The following DSG4 variants were observed in gnomAD, a reference collection of about 807,000 sequenced individuals.
DSG4 encodes the protein desmoglein-4.
Under a neutral mutation model 93.1 loss-of-function variants are expected in DSG4, and 87 were observed. The observed-to-expected ratio is 0.93, with a 90% CI of 0.79 to 1.12. The LOEUF (loss-of-function observed/expected upper bound fraction) is 1.12, where lower values mean the gene tolerates loss of function less well. DSG4 is among the 50% of genes most tolerant of loss of function. The probability of loss-of-function intolerance (pLI) is 0.00; values close to 1 mark genes in which losing one functional copy is unlikely to be tolerated. For missense variants in DSG4, 1,373 were observed against 1,285.7 expected (o/e 1.07, Z -1.04); for synonymous variants, 432 against 452.9 (o/e 0.95, Z 0.59).
chr18:31,390,912 T>C, intron 6 of DSG4, 90 bp downstream of exon 6: 1 of 1,525,826 alleles, frequency 6.6e-7, no homozygotes, highest in South Asian at 1.2e-5. Context: ...TACTCCAATA[T>C]AAAGGAGGGA....
chr18:31,392,209 G>A lies in DSG4; in HGVS notation c.874G>A (p.Ala292Thr). Residue 292 changes from alanine (A) to threonine (T), a missense_variant, in exon 8 of 16, where the codon GCA becomes ACA. Physicochemically the swap from Ala to Thr is moderately conservative, Grantham distance 58. Coordinates refer to ENST00000308128, the MANE Select transcript of DSG4 (RefSeq NM_177986.5). Reference protein sequence around the residue: ...CLSSELIRLQAIDLDEEGTDN... With the variant: ...CLSSELIRLQTIDLDEEGTDN... ...AAGTTCGGAACTGATACGATTACAA[G>A]CAATTGATCTTGATGAAGAAGGCAC... 1 of 1,613,736 alleles carries A rather than the reference G, an allele frequency of 6.2e-7. No homozygotes were observed. The highest frequency in any genetic ancestry group is 8.5e-7 in the Non-Finnish European group (1 of 1,179,844).
rs1321399530 is a variant in DSG4 at position 31,401,004 on chromosome 18, G to T, written c.1401G>T (p.Glu467Asp). The change falls in exon 10 of 16, where the codon GAG becomes GAT. Residue 467 changes from glutamate to aspartate, a missense_variant. By Grantham distance (45) the Glu-to-Asp change is conservative. Transcript: ENST00000308128. ...KYIINGIYTAEILAIDDGSGK... is the reference protein window; with the variant it reads ...KYIINGIYTADILAIDDGSGK... ...TTATCAATGGGATATACACAGCAGA[G>T]ATCCTGGCTATAGATGGTAAGAAAA... is the stretch of plus-strand genomic sequence containing the variant. 1.9e-6 allele frequency: 3 copies of T among 1,603,546 alleles called. No individual in the cohort carries two copies. Among genetic ancestry groups the T allele is most frequent in the Non-Finnish European group, 2.6e-6 (3 of 1,174,798 alleles).
rs1179810357 is a variant in DSG4 at position 31,391,158 on chromosome 18, T to G, written c.765T>G (p.Cys255Trp). ...AADGLSSECD[C>W]RIKVLDVNDN... The stretch of plus-strand genomic sequence containing the variant: ...ATGGACTGTCTTCTGAGTGTGACTG[T>G]AGAATCAAGGTTTTAGACGTCAACG... Residue 255 changes from cysteine to tryptophan, a missense_variant, in exon 7 of 16, where the codon TGT becomes TGG. By Grantham distance (215) the Cys-to-Trp change is radical (BLOSUM62 -2). Transcript: ENST00000308128. 6.2e-7 allele frequency: 1 copy of G among 1,613,790 alleles called. No homozygotes were observed. Among genetic ancestry groups the G allele is most frequent in the South Asian group, 1.1e-5 (1 of 91,070 alleles).
chr18:31,407,490 C>T (rs1341245478), intron 12 of DSG4, among the ~76,000 whole-genome samples: 1 of 152,156 alleles, frequency 6.6e-6, no homozygotes, highest in Non-Finnish European at 1.5e-5. Flanking sequence ...CATATAGATC[C>T]TCAGAGGAAG....
At chr18:31,406,754 A>G (rs1161012571) in intron 12 of DSG4, among the ~76,000 whole-genome samples, 5 of 151,836 alleles carry the variant, frequency 3.3e-5, no homozygotes, top group African/African-American at 1.2e-4. Flanking sequence ...GAGCCTGAAA[A>G]GCTGAGGATT....
chr18:31,385,043 G>T lies in DSG4; in HGVS notation c.49-93G>T. On this transcript the variant is annotated intron_variant, in intron 1 of 15. Transcript: ENST00000308128. ...ATCAACAAAATGTATATTTAAAAAT[G>T]AATTAATAAAAGAATATTGTCAATG... The T allele has an allele frequency of 8.3e-6, 9 of 1,085,364 alleles. No individual in the cohort carries two copies. The South Asian group carries it at 1.2e-4, about 15-fold the overall frequency. 67.2% of individuals were successfully genotyped at this position (1,085,364 alleles called of 1,614,324 possible). A position where few individuals can be genotyped will look rare whatever the true frequency, so the allele number is the denominator to read the frequency against.
chr18:31,385,050 T>A, intron 1 of DSG4, 86 bp from the exon 2 acceptor site: 1 of 1,137,516 alleles, frequency 8.8e-7, no homozygotes, highest in Non-Finnish European at 1.3e-6. Context: ...AATGAATTAA[T>A]AAAAGAATAT....
chr18:31,376,834 A>C lies in DSG4; in HGVS notation c.-78A>C, dbSNP rs1598730132. 2.6e-6 allele frequency: 4 copies of C among 1,513,466 alleles called. No homozygotes were observed. Among genetic ancestry groups the C allele is most frequent in the African/African-American group, 2.7e-5 (2 of 72,814 alleles). The allele number at this position is 1,513,466 out of a possible 1,614,324, so 93.8% of individuals were successfully genotyped here. A position where few individuals can be genotyped will look rare whatever the true frequency, so the allele number is the denominator to read the frequency against. ...GGTGTCTCAAAGCATATCTTTCTGT[A>C]GAGCAGAATTCGGAACTGAGAAGAC... On this transcript the variant is annotated 5_prime_UTR_variant, in exon 1 of 16. Transcript: ENST00000308128.
At chr18:31,396,806 C>T (rs560936364) in intron 8 of DSG4, among the ~76,000 whole-genome samples, 88 of 152,282 alleles carry the variant, frequency 5.8e-4, no homozygotes, top group Admixed American at 1.8e-3. Context: ...TGTCTCACTG[C>T]GTAATTGGGG....
At chr18:31,383,518 T>C (rs751592073) in intron 1 of DSG4, among the ~76,000 whole-genome samples, 4 of 152,162 alleles carry the variant, frequency 2.6e-5, no homozygotes, top group Non-Finnish European at 4.4e-5. Context: ...AAACTAGAGT[T>C]TTTTATCTAG....
At position 31,413,254 on chromosome 18, in the gene DSG4, C is replaced by T. The variant is rs201883874; in HGVS notation, c.2782C>T (p.Gln928Ter). 78 of 1,614,150 alleles carry T rather than the reference C, an allele frequency of 4.8e-5. No homozygotes were observed. The highest frequency in any genetic ancestry group is 6.3e-5 in the Non-Finnish European group (74 of 1,180,024). ...ACCCACTACAATTATTTTTGATCCT[C>T]AGCTTGCACCCAATGTTGTAGTAAC... Reference protein sequence around the residue: ...VQPTTIIFDPQLAPNVVVTEA... With the variant: ...VQPTTIIFDP The change falls in exon 16 of 16, where the codon CAG (glutamine) becomes TAG (stop). Residue 928 changes from glutamine (Q) to a stop codon, truncating the protein, a stop_gained. Coordinates refer to ENST00000308128, the MANE Select transcript of DSG4 (RefSeq NM_177986.5). LOFTEE classifies it low-confidence loss of function (END_TRUNC).
At chr18:31,383,042 T>TA (rs1367607778) in intron 1 of DSG4, among the ~76,000 whole-genome samples, 1 of 152,204 alleles carries the variant, frequency 6.6e-6, no homozygotes, top group Non-Finnish European at 1.5e-5. Flanking sequence ...TTCAAGTCCT[T>TA]AAAAATGATT....
chr18:31,411,144 G>A (rs2072483559), intron 14 of DSG4, 87 bp from the exon 15 acceptor site: 1 of 1,613,334 alleles, frequency 6.2e-7, no homozygotes. Flanking sequence ...GGTGGTGGTG[G>A]CACCGCAGAC....
chr18:31,398,448 T>C (rs1457683135), intron 8 of DSG4, among the ~76,000 whole-genome samples: 1 of 152,246 alleles, frequency 6.6e-6, no homozygotes, highest in Non-Finnish European at 1.5e-5. Context: ...AGCAGAGATT[T>C]ACCTCACAGA....
chr18:31,388,629 G>C lies in DSG4; in HGVS notation c.372+107G>C, dbSNP rs370712412. On this transcript the variant is annotated intron_variant, in intron 4 of 15. Transcript: ENST00000308128. Reference sequence around the variant, plus strand: ...TACTTTTGATAAAACATGGCAGACTGAACCCAAATAGAAGACTTGAAGGAA... The same window carrying C: ...TACTTTTGATAAAACATGGCAGACTCAACCCAAATAGAAGACTTGAAGGAA... 1.0e-5 allele frequency: 15 copies of C among 1,461,220 alleles called. No individual in the cohort carries two copies. In the African/African-American group the frequency reaches 1.3e-4, roughly 12 times the overall value. The allele number at this position is 1,461,220 out of a possible 1,614,324, so 90.5% of individuals were successfully genotyped here. A position where few individuals can be genotyped will look rare whatever the true frequency, so the allele number is the denominator to read the frequency against.
At chr18:31,400,740 G>A (rs545861833) in intron 9 of DSG4, 141 bp from the exon 10 acceptor site, 125 of 776,994 alleles carry the variant, frequency 1.6e-4, no homozygotes, top group African/African-American at 1.4e-3. Flanking sequence ...TGATATATAT[G>A]TACTTTTTAT....
chr18:31,389,453 T>C (rs1266234304), intron 5 of DSG4, among the ~76,000 whole-genome samples: 4 of 152,168 alleles, frequency 2.6e-5, no homozygotes, highest in Non-Finnish European at 4.4e-5. Flanking sequence ...AGGGTAATCA[T>C]TGATCTTCAC....
intron 1 of DSG4, among the ~76,000 whole-genome samples, chr18:31,382,102 G>A (rs1454557182): frequency 2.6e-5 from 4 of 152,148 alleles, no homozygotes; most frequent in Non-Finnish European, 5.9e-5. Context: ...GGCCCACAGA[G>A]ACTGTAATAC....
rs142106072 is a variant in DSG4, at chr18:31,406,180, A to G, written c.1740A>G (p.Gln580=). The G allele has an allele frequency of 7.4e-4, 1,199 of 1,614,124 alleles. No homozygotes were observed. The highest frequency in any genetic ancestry group is 9.0e-4 in the Non-Finnish European group (1,060 of 1,180,026). Residue 580 remains glutamine (Q), a synonymous_variant, in exon 12 of 16, where the codon CAA becomes CAG. Coordinates refer to ENST00000308128, the MANE Select transcript of DSG4 (RefSeq NM_177986.5). ...ATAACAGAGCATGTGAATTGGCACA[A>G]ATGGTGCAGTTATATGCCTGTGATT... ...DSYNRACELA[Q]MVQLYACDCD... is the part of the protein sequence containing the mutation.
Sources: allele counts gnomAD v4.1 joint callset (sites outside exome capture counted in the v4.1 genomes callset), GRCh38; gene constraint gnomAD v4.1.1; transcripts MANE v1.5; gene names NCBI Gene and HGNC (gene_info 2026-07-23, HGNC 2026-07-21).